The following SLFN12 variants were observed in gnomAD, a reference collection of about 807,000 sequenced individuals.
SLFN12 encodes the protein schlafen family member 12.
Under a neutral mutation model 29.1 loss-of-function variants are expected in SLFN12, and 25 were observed. The observed-to-expected ratio is 0.86, with a 90% confidence interval of 0.63 to 1.20. The LOEUF is 1.20. Among genes scored for constraint, SLFN12 ranks in the 50% most tolerant of loss-of-function variants. SLFN12 has a pLI of 0.00. For synonymous variants in SLFN12, 257 were observed against 238.7 expected (o/e 1.08, Z -0.71); for missense variants, 660 against 666.2 (o/e 0.99, Z 0.10).
intron 3 of SLFN12, among the ~76,000 whole-genome samples, chr17:35,413,137 A>G (rs975603387): frequency 6.6e-6 from 1 of 151,980 alleles, no homozygotes; most frequent in African/African-American, 2.4e-5. Context: ...TAGCAAATTT[A>G]TAAGTCCCAC....
intron 1 of SLFN12, among the ~76,000 whole-genome samples, chr17:35,428,074 G>A (rs1912110349): frequency 6.6e-6 from 1 of 152,036 alleles, no homozygotes; most frequent in Admixed American, 6.6e-5. Context: ...TGAAACATAA[G>A]GTTATATTTG....
At position 35,422,095 on chromosome 17, in the gene SLFN12, A is replaced by G; in HGVS notation, c.934T>C (p.Cys312Arg). ...TCAGGCTCTTTAGCAAACACTGCAC[A>G]GCAGAAGCGCTCCACTCTGAGTGCA... ...VCALRVERFCCAVFAKEPDSW... is the reference protein window; with the variant it reads ...VCALRVERFCRAVFAKEPDSW... The change falls in exon 2 of 4, where the codon TGT becomes CGT. Residue 312 changes from cysteine (C) to arginine (R), a missense_variant. Cys to Arg is a radical substitution (Grantham distance 180, BLOSUM62 -3). Transcript: ENST00000304905. 1 of 1,614,132 alleles carries G rather than the reference A, an allele frequency of 6.2e-7. No individual in the cohort carries two copies. Among genetic ancestry groups the G allele is most frequent in the Non-Finnish European group, 8.5e-7 (1 of 1,180,018 alleles).
intron 1 of SLFN12, among the ~76,000 whole-genome samples, chr17:35,425,515 A>G (rs1428392806): frequency 6.6e-6 from 1 of 152,088 alleles, no homozygotes; most frequent in Non-Finnish European, 1.5e-5. Flanking sequence ...GAAATCATGC[A>G]GTATTTGTCT....
At position 35,412,444 on chromosome 17, in the gene SLFN12, C is replaced by T. The variant is rs62081001; in HGVS notation, c.1148-517G>A. Among the ~76,000 whole-genome samples the T allele has an allele frequency of 1.7e-3, 257 of 152,178 alleles. 1 individual carries two copies. Among genetic ancestry groups the T allele is most frequent in the Non-Finnish European group, 3.1e-3 (214 of 68,012 alleles). On this transcript the variant is annotated intron_variant, in intron 3 of 3. Transcript: ENST00000304905. ...CTTCAGCCTCATGGTGCTCAGGAAACACAGACTGGAATTCCAGTCCCAAAA... is the reference window on the plus strand; with the variant it reads ...CTTCAGCCTCATGGTGCTCAGGAAATACAGACTGGAATTCCAGTCCCAAAA...
chr17:35,411,909 G>A lies in SLFN12; in HGVS notation c.1166C>T (p.Thr389Met), dbSNP rs758811248. The A allele has an allele frequency of 7.7e-5, 123 of 1,602,450 alleles. No homozygotes were observed. The East Asian group carries it at 1.4e-3, about 18-fold the overall frequency. Reference protein sequence around the residue: ...HHCPGLSGRITYTPENLCRKL... With the variant: ...HHCPGLSGRIMYTPENLCRKL... ...TCTGCAAAGGTTTTCTGGAGTATAC[G>A]TTATCCTTCCTGATAGCCCTGAATA... Residue 389 changes from threonine (T) to methionine (M), a missense_variant, in exon 4 of 4, where the codon ACG becomes ATG. Thr to Met is a moderately conservative substitution (Grantham distance 81, BLOSUM62 -1). Coordinates refer to ENST00000304905, the MANE Select transcript of SLFN12 (RefSeq NM_018042.5).
chr17:35,428,315 T>TG (rs919412240), intron 1 of SLFN12, among the ~76,000 whole-genome samples: 122 of 152,218 alleles, frequency 8.0e-4, no homozygotes, highest in Non-Finnish European at 1.5e-3. Flanking sequence ...TTGAACCTTT[T>TG]GGGGGGAAGA....
In SLFN12 at chr17:35,423,077, T is replaced by C. The variant is rs1368388193; in HGVS notation, c.-40-9A>G. 2.5e-5 allele frequency: 39 copies of C among 1,548,454 alleles called. No homozygotes were observed. In the South Asian group the frequency reaches 4.4e-4, roughly 18 times the overall value. The stretch of plus-strand genomic sequence containing the variant: ...CAAGCAGAAATTCTTTTCTGTAAAA[T>C]AGACAGAGCCATTAGAATAGGACCT... On this transcript the variant is annotated splice_polypyrimidine_tract_variant and intron_variant, in intron 1 of 3. Transcript: ENST00000304905.
rs185556638 is a variant in SLFN12, at chr17:35,420,786, C to A, written c.1040-405G>T. On this transcript the variant is annotated intron_variant, in intron 2 of 3. Coordinates refer to ENST00000304905, the MANE Select transcript of SLFN12 (RefSeq NM_018042.5). Reference sequence around the variant, plus strand: ...CCAATTGCTAGTACTGGTCCAATTTCATTTGAGGCTTTCTTTTCCCAAACG... The same window carrying A: ...CCAATTGCTAGTACTGGTCCAATTTAATTTGAGGCTTTCTTTTCCCAAACG... 16 of 154,844 alleles carry A rather than the reference C, an allele frequency of 1.0e-4. No individual in the cohort carries two copies. The South Asian group carries it at 1.2e-3, about 12-fold the overall frequency. The allele number at this position is 154,844 out of a possible 1,614,324, so 9.6% of individuals were successfully genotyped here.
At chr17:35,416,766 G>A (rs1911340128) in intron 3 of SLFN12, among the ~76,000 whole-genome samples, 1 of 152,028 alleles carries the variant, frequency 6.6e-6, no homozygotes, top group African/African-American at 2.4e-5. Flanking sequence ...TAAAAAACCA[G>A]AAATATGTCA....
At chr17:35,430,447 G>A (rs897163282) in intron 1 of SLFN12, 20 of 152,040 alleles carry the variant, frequency 1.3e-4, no homozygotes, top group Admixed American at 5.2e-4. Flanking sequence ...CAAAACGTAA[G>A]GCCTTAGCGC....
rs768656702 is a variant in SLFN12, at chr17:35,411,903, G to A, written c.1172C>T (p.Thr391Ile). 2 of 1,609,090 alleles carry A rather than the reference G, an allele frequency of 1.2e-6. No homozygotes were observed. The highest frequency in any genetic ancestry group is 8.5e-7 in the Non-Finnish European group (1 of 1,178,246). Residue 391 changes from threonine (T) to isoleucine (I), a missense_variant, in exon 4 of 4, where the codon ACT becomes ATT. By Grantham distance (89) the Thr-to-Ile change is moderately conservative. Transcript: ENST00000304905. Reference protein sequence around the residue: ...CPGLSGRITYTPENLCRKLFL... With the variant: ...CPGLSGRITYIPENLCRKLFL... ...CAGTTTTCTGCAAAGGTTTTCTGGA[G>A]TATACGTTATCCTTCCTGATAGCCC...
rs769087724 is a variant in SLFN12, at chr17:35,411,596, GAC to G, written c.1477_1478del (p.Val493HisfsTer10). Reference sequence around the variant, plus strand: ...GGCTCAAGTAGAAGATCTTTGTCATGACACACACTTTTTTAGTGTAACCACCA... The same window carrying G: ...GGCTCAAGTAGAAGATCTTTGTCATGACACACTTTTTTAGTGTAACCACCA... ...KIGGYTKKVC[V>X]MTKIFYLSPE... is the part of the protein sequence containing the mutation. On this transcript the variant is annotated frameshift_variant, in exon 4 of 4. Coordinates refer to ENST00000304905, the MANE Select transcript of SLFN12 (RefSeq NM_018042.5). LOFTEE classifies it low-confidence loss of function (END_TRUNC). 7 of 1,614,066 alleles carry G rather than the reference GAC, an allele frequency of 4.3e-6. No individual in the cohort carries two copies. The highest frequency in any genetic ancestry group is 2.2e-5 in the South Asian group (2 of 91,074).
rs781002150 is a variant in SLFN12 at position 35,421,971 on chromosome 17, C to A, written c.1039+19G>T. Reference sequence around the variant, plus strand: ...ACCCAAGCCAAATGCATTCCTGTTGCGAATCCCCCGCTCTCAACTTGGTTC... The same window carrying A: ...ACCCAAGCCAAATGCATTCCTGTTGAGAATCCCCCGCTCTCAACTTGGTTC... On this transcript the variant is annotated intron_variant, in intron 2 of 3. Transcript: ENST00000304905. The A allele has an allele frequency of 1.2e-6, 2 of 1,604,748 alleles. No homozygotes were observed. Among genetic ancestry groups the A allele is most frequent in the Non-Finnish European group, 8.5e-7 (1 of 1,173,944 alleles).
intron 1 of SLFN12, among the ~76,000 whole-genome samples, chr17:35,425,862 T>TTTTTTTTTTTTTTG (rs1299744390): frequency 7.0e-6 from 1 of 143,094 alleles, no homozygotes; most frequent in Non-Finnish European, 1.5e-5. Context: ...TTTTTTTTTT[T>TTTTTTTTTTTTTTG]TTCAGAAACC....
intron 1 of SLFN12, among the ~76,000 whole-genome samples, chr17:35,424,132 T>A (rs1911863635): frequency 6.6e-6 from 1 of 152,198 alleles, no homozygotes; most frequent in Admixed American, 6.5e-5. Flanking sequence ...TTGCTCTAAA[T>A]GGAAACTTTT....
chr17:35,422,463 T>C lies in SLFN12; in HGVS notation c.566A>G (p.Glu189Gly). The C allele has an allele frequency of 6.2e-7, 1 of 1,612,680 alleles. No individual in the cohort carries two copies. ...GGTCAATTTTTCTTTCCGATCAAGT[T>C]CTGTTCTATCAAAAAAAACCCCGGC... Reference protein sequence around the residue: ...ALAGVFFDRTELDRKEKLTFT... With the variant: ...ALAGVFFDRTGLDRKEKLTFT... Residue 189 changes from glutamate (E) to glycine (G), a missense_variant, in exon 2 of 4, where the codon GAA becomes GGA. Physicochemically the swap from Glu to Gly is moderately conservative, Grantham distance 98 (BLOSUM62 -2). Coordinates refer to ENST00000304905, the MANE Select transcript of SLFN12 (RefSeq NM_018042.5).
chr17:35,422,178 T>G lies in SLFN12; in HGVS notation c.851A>C (p.Asn284Thr). ...HHFCMEKKKI[N>T]YSCKFLGVYD... ...TACTCCAAGGAATTTGCATGAATAA[T>G]TTATCTTCTTCTTCTCCATACAGAA... Residue 284 changes from asparagine to threonine, a missense_variant, in exon 2 of 4, where the codon AAT becomes ACT. Asn to Thr is a moderately conservative substitution (Grantham distance 65, BLOSUM62 0). Transcript: ENST00000304905. The G allele has an allele frequency of 6.2e-7, 1 of 1,614,140 alleles. No individual in the cohort carries two copies.
At chr17:35,417,831 T>G (rs1423806542) in intron 3 of SLFN12, among the ~76,000 whole-genome samples, 15 of 151,530 alleles carry the variant, frequency 9.9e-5, no homozygotes, top group Non-Finnish European at 1.9e-4. Flanking sequence ...ACATTAGCAA[T>G]AAACAAGAAA....
At position 35,411,599 on chromosome 17, in the gene SLFN12, A is replaced by C. The variant is rs750005307; in HGVS notation, c.1476T>G (p.Cys492Trp). The stretch of plus-strand genomic sequence containing the variant: ...TCAAGTAGAAGATCTTTGTCATGAC[A>C]CACACTTTTTTAGTGTAACCACCAA... The part of the protein sequence containing the change: ...AKIGGYTKKV[C>W]VMTKIFYLSP... Residue 492 changes from cysteine (C) to tryptophan (W), a missense_variant, in exon 4 of 4, where the codon TGT (cysteine) becomes TGG (tryptophan). Cys to Trp is a radical substitution (Grantham distance 215, BLOSUM62 -2). Transcript: ENST00000304905. 2.5e-6 allele frequency: 4 copies of C among 1,613,976 alleles called. No homozygotes were observed.
Sources: gnomAD v4.1 joint callset for allele counts (sites outside exome capture counted in the v4.1 genomes callset) on GRCh38, gnomAD v4.1.1 for gene constraint, MANE v1.5 for transcripts, NCBI Gene and HGNC (gene_info 2026-07-23, HGNC 2026-07-21) for gene names.